Variants in DAW1 observed in about 807,000 individuals in gnomAD.
DAW1 encodes dynein assembly factor with WD repeat domains 1.
In DAW1, 47 loss-of-function variants were observed where a neutral mutation model predicts 56.5. The ratio of observed to expected loss-of-function variants is 0.83; its 90% CI spans 0.66 to 1.06. The LOEUF (loss-of-function observed/expected upper bound fraction) is 1.06, where lower values mean the gene tolerates loss of function less well. Among genes scored for constraint, DAW1 ranks in the 50% least tolerant of loss-of-function variants. The pLI, the probability that DAW1 is intolerant of heterozygous loss-of-function variation, is 0.00. For missense variants in DAW1, 505 were observed against 499.3 expected, an observed-to-expected ratio of 1.01 and a Z score of -0.11; for synonymous variants, 190 against 179.0, an observed-to-expected ratio of 1.06 and a Z score of -0.49.
chr2:227,888,311 T>C (rs1355974282), intron 2 of DAW1, among the ~76,000 whole-genome samples: 1 of 152,170 alleles, frequency 6.6e-6, no homozygotes, highest in African/African-American at 2.4e-5. Flanking sequence ...GCCACATTCA[T>C]GGGAATTGGA....
chr2:227,902,325 G>A (rs1691566163), intron 6 of DAW1, among the ~76,000 whole-genome samples: 1 of 152,146 alleles, frequency 6.6e-6, no homozygotes, highest in Non-Finnish European at 1.5e-5. Flanking sequence ...GGCTAACAGT[G>A]TCGAGGATAC....
intron 10 of DAW1, among the ~76,000 whole-genome samples, chr2:227,913,871 A>ATATATATCTATCTATC: frequency 7.0e-6 from 1 of 143,618 alleles, no homozygotes; most frequent in South Asian, 2.3e-4. Flanking sequence ...GACAGTCATC[A>ATATATATCTATCTATC]TATCTATCTA....
At chr2:227,907,039 A>G (rs888197441) in intron 9 of DAW1, 99 bp from the exon 10 acceptor site, 9 of 728,036 alleles carry the variant, frequency 1.2e-5, no homozygotes, top group Non-Finnish European at 2.0e-5. Flanking sequence ...CAGTTATTTA[A>G]CCAGCCATAA....
Position 227,880,342 on chromosome 2 carries a change from T to C in DAW1, c.41-5009T>C, listed in dbSNP as rs73996712. 3.2e-3 allele frequency among the ~76,000 whole-genome samples: 485 copies of C among 152,032 alleles called. 1 individual carries two copies. Among genetic ancestry groups the C allele is most frequent in the African/African-American group, 0.011 (439 of 41,494 alleles). On this transcript the variant is annotated intron_variant, in intron 1 of 12. Transcript: ENST00000309931. The stretch of plus-strand genomic sequence containing the variant: ...AAAATATTTTAACAATGCTGTAATG[T>C]CCATATTTTGCTGAAAAGTTTAATA...
intron 6 of DAW1, among the ~76,000 whole-genome samples, chr2:227,900,299 G>A (rs1401294998): frequency 6.6e-6 from 1 of 151,976 alleles, no homozygotes; most frequent in East Asian, 1.9e-4. Context: ...TAGATTTTGG[G>A]GAATATTTTC....
chr2:227,900,173 A>G (rs952273616), intron 6 of DAW1, among the ~76,000 whole-genome samples: 9 of 152,148 alleles, frequency 5.9e-5, no homozygotes, highest in African/African-American at 2.2e-4. Flanking sequence ...AGAGGAAGGT[A>G]TTTTCCCATT....
rs2106219403 is a variant in DAW1 at position 227,921,424 on chromosome 2, A to G, written c.1076A>G (p.His359Arg). ...SKISFNPQGN[H>R]LLTGSSDKTA... ...ATTTCTTTCAACCCTCAAGGGAACC[A>G]TCTTCTAACTGGCAGCTCTGACAAA... The change falls in exon 12 of 13, where the codon CAT becomes CGT. Residue 359 changes from histidine (H) to arginine (R), a missense_variant. His to Arg is a conservative substitution (Grantham distance 29). Coordinates refer to ENST00000309931, the MANE Select transcript of DAW1 (RefSeq NM_178821.3). 5 of 1,608,760 alleles carry G rather than the reference A, an allele frequency of 3.1e-6. No homozygotes were observed. The highest frequency in any genetic ancestry group is 4.2e-6 in the Non-Finnish European group (5 of 1,178,916).
At chr2:227,913,577 T>G (rs1039109863) in intron 10 of DAW1, among the ~76,000 whole-genome samples, 2 of 152,156 alleles carry the variant, frequency 1.3e-5, no homozygotes, top group Non-Finnish European at 2.9e-5. Flanking sequence ...CTCCTTGATA[T>G]TCATGTATAA....
intron 11 of DAW1, 101 bp downstream of exon 11, chr2:227,918,957 G>T: frequency 8.3e-7 from 1 of 1,199,382 alleles, no homozygotes; most frequent in Non-Finnish European, 1.2e-6. Context: ...CACTTTGAGA[G>T]GAAAAGGTGA....
intron 10 of DAW1, among the ~76,000 whole-genome samples, chr2:227,918,175 C>CCATCCATCCATCCATCCAT (rs1553604202): frequency 2.6e-3 from 130 of 50,602 alleles, no homozygotes; most frequent in African/African-American, 9.2e-3. Context: ...CATCCATCAT[C>CCATCCATCCATCCATCCAT]CATCCATCCA....
intron 2 of DAW1, chr2:227,887,800 CA>C (rs563212585): frequency 1.2e-4 from 19 of 152,054 alleles, no homozygotes; most frequent in Non-Finnish European, 1.8e-4. Flanking sequence ...ATAAATGTCT[CA>C]AAAAAGTGTG....
intron 11 of DAW1, among the ~76,000 whole-genome samples, chr2:227,921,072 T>C (rs1402302545): frequency 2.0e-5 from 3 of 152,130 alleles, no homozygotes; most frequent in Admixed American, 6.5e-5. Context: ...GCCCTGCATC[T>C]TTGCACAGAG....
chr2:227,881,941 G>T (rs960187654), intron 1 of DAW1, among the ~76,000 whole-genome samples: 2 of 151,666 alleles, frequency 1.3e-5, no homozygotes, highest in African/African-American at 4.8e-5. Context: ...TATTAGAGAC[G>T]GTGTTTCAGC....
At chr2:227,909,028 ACT>A (rs1358808391) in intron 10 of DAW1, among the ~76,000 whole-genome samples, 1 of 152,064 alleles carries the variant, frequency 6.6e-6, no homozygotes, top group Non-Finnish European at 1.5e-5. Context: ...TTTAATTTAC[ACT>A]GTTTTTATCC....
At chr2:227,888,165 T>C (rs1691174274) in intron 2 of DAW1, among the ~76,000 whole-genome samples, 1 of 152,206 alleles carries the variant, frequency 6.6e-6, no homozygotes, top group Non-Finnish European at 1.5e-5. Context: ...ACCATATCTT[T>C]TACACACCCA....
intron 4 of DAW1, 41 bp from the exon 5 acceptor site, chr2:227,893,754 T>G (rs754514035): frequency 2.1e-5 from 33 of 1,586,886 alleles, no homozygotes; most frequent in Non-Finnish European, 2.8e-5. Context: ...ATTAACACAC[T>G]GCCATTCTTC....
intron 2 of DAW1, among the ~76,000 whole-genome samples, chr2:227,886,642 A>G (rs1691137182): frequency 6.6e-6 from 1 of 152,128 alleles, no homozygotes; most frequent in Admixed American, 6.5e-5. Context: ...GAAATCTCAT[A>G]CAAAACTCCA....
rs16824228 is a variant in DAW1, at chr2:227,923,896, T to C, written c.1214-38T>C. On this transcript the variant is annotated intron_variant, in intron 12 of 12. Transcript: ENST00000309931. ...GAAAGAGAGAATGAGGTGAATGAAATGAAGAAAAAAATAACTGCATGAAAT... is the reference window on the plus strand; with the variant it reads ...GAAAGAGAGAATGAGGTGAATGAAACGAAGAAAAAAATAACTGCATGAAAT... 1,966 of 1,610,508 alleles carry C rather than the reference T, an allele frequency of 1.2e-3. 23 individuals carry two copies. The African/African-American group carries it at 0.02, about 17-fold the overall frequency.
chr2:227,891,212 AATT>A lies in DAW1; in HGVS notation c.259-42_259-40del, dbSNP rs754311397. 8 of 1,558,058 alleles carry A rather than the reference AATT, an allele frequency of 5.1e-6. 1 individual carries two copies. Among genetic ancestry groups the A allele is most frequent in the Non-Finnish European group, 6.1e-6 (7 of 1,138,690 alleles). On this transcript the variant is annotated intron_variant, in intron 3 of 12. Transcript: ENST00000309931. ...GTTTGAAGTTATAACTAACAAATTT[AATT>A]TGGTTTGAGTCTAAAAAATGGTGTT... is the stretch of plus-strand genomic sequence containing the variant.
Sources: allele counts gnomAD v4.1 joint callset (sites outside exome capture counted in the v4.1 genomes callset), GRCh38; gene constraint gnomAD v4.1.1; transcripts MANE v1.5; gene names NCBI Gene and HGNC (gene_info 2026-07-23, HGNC 2026-07-21).